Variants in ALDH2 observed in about 807,000 individuals in gnomAD.
ALDH2 encodes aldehyde dehydrogenase 2 family member, also known as aldehyde dehydrogenase, mitochondrial.
A neutral mutation model predicts 59.6 loss-of-function variants in ALDH2; 44 were observed. That is an observed-to-expected ratio of 0.74 (90% CI 0.58 to 0.95). ALDH2 has a LOEUF of 0.95. ALDH2 is among the 40% of genes least tolerant of loss of function. The pLI, the probability that ALDH2 is intolerant of heterozygous loss-of-function variation, is 0.00. For missense variants in ALDH2, 570 were observed against 696.3 expected (o/e 0.82, Z 2.04); for synonymous variants, 291 against 284.0 (o/e 1.02, Z -0.25).
Position 111,791,400 on chromosome 12 carries a change from C to T in ALDH2, c.776C>T (p.Ala259Val), listed in dbSNP as rs909475464. ...TCCCATGAGGATGTGGACAAAGTGG[C>T]ATTCACAGGCTCCACTGAGGTAAGG... is the stretch of plus-strand genomic sequence containing the variant. ...IASHEDVDKVAFTGSTEIGRV... is the reference protein window; with the variant it reads ...IASHEDVDKVVFTGSTEIGRV... The change falls in exon 7 of 13, where the codon GCA (alanine) becomes GTA (valine). Residue 259 changes from alanine (A) to valine (V), a missense_variant. By Grantham distance (64) the Ala-to-Val change is moderately conservative (BLOSUM62 0). Coordinates refer to ENST00000261733, the MANE Select transcript of ALDH2 (RefSeq NM_000690.4). The T allele has an allele frequency of 1.9e-6, 3 of 1,613,482 alleles. No individual in the cohort carries two copies. In the Admixed American group the frequency reaches 5.0e-5, roughly 27 times the overall value.
At chr12:111,804,507 A>C (rs2068478366) in intron 12 of ALDH2, among the ~76,000 whole-genome samples, 1 of 152,182 alleles carries the variant, frequency 6.6e-6, no homozygotes, top group Non-Finnish European at 1.5e-5. Flanking sequence ...GCACTTTGGG[A>C]GGCCAAGGTG....
intron 3 of ALDH2, 133 bp downstream of exon 3, chr12:111,783,431 G>A (rs1189795763): frequency 5.2e-6 from 6 of 1,152,146 alleles, no homozygotes; most frequent in Non-Finnish European, 7.1e-6. Flanking sequence ...GATGGGAATG[G>A]CATAGGATGG....
intron 4 of ALDH2, among the ~76,000 whole-genome samples, chr12:111,787,412 C>A (rs2068318392): frequency 6.6e-6 from 1 of 152,188 alleles, no homozygotes; most frequent in Non-Finnish European, 1.5e-5. Flanking sequence ...CTGATTCCAG[C>A]CAGGCTAAGC....
At chr12:111,769,538 A>AAG (rs143486935) in intron 1 of ALDH2, among the ~76,000 whole-genome samples, 14 of 150,306 alleles carry the variant, frequency 9.3e-5, no homozygotes, top group East Asian at 5.8e-4. Context: ...TGCCTGCAGC[A>AAG]AGAGAGAGAG....
intron 11 of ALDH2, among the ~76,000 whole-genome samples, chr12:111,800,445 A>G (rs983592223): frequency 6.6e-5 from 10 of 151,880 alleles, no homozygotes; most frequent in African/African-American, 2.2e-4. Flanking sequence ...ATTTTTTCAG[A>G]CAGAAAAAAA....
intron 7 of ALDH2, 141 bp downstream of exon 7, chr12:111,791,560 G>C (rs1324518239): frequency 1.5e-6 from 1 of 664,370 alleles, no homozygotes; most frequent in African/African-American, 1.8e-5. Flanking sequence ...TACCAGGAGG[G>C]GTGGGGCAGG....
intron 6 of ALDH2, among the ~76,000 whole-genome samples, 165 bp from the exon 7 acceptor site, chr12:111,791,141 C>T (rs888976852): frequency 6.6e-6 from 1 of 152,174 alleles, no homozygotes; most frequent in African/African-American, 2.4e-5. Flanking sequence ...ACTCCTTCTC[C>T]GTCCCATTTA....
At chr12:111,772,418 G>A (rs2068205991) in intron 1 of ALDH2, among the ~76,000 whole-genome samples, 1 of 152,130 alleles carries the variant, frequency 6.6e-6, no homozygotes, top group South Asian at 2.1e-4. Flanking sequence ...GGGCTGGAGT[G>A]CAGTGGCACG....
At chr12:111,803,281 C>CAAA (rs59141978) in intron 11 of ALDH2, among the ~76,000 whole-genome samples, 8 of 135,470 alleles carry the variant, frequency 5.9e-5, no homozygotes, top group African/African-American at 2.1e-4. Context: ...TTTTAAATTG[C>CAAA]AAAAAAAAAA....
chr12:111,808,653 C>G (rs148410674), intron 12 of ALDH2, among the ~76,000 whole-genome samples: 1 of 151,796 alleles, frequency 6.6e-6, no homozygotes, highest in Non-Finnish European at 1.5e-5. Context: ...TGCAGTGAGC[C>G]GAGATTGCGC....
At chr12:111,798,278 T>C (rs1430884112) in intron 10 of ALDH2, 36 bp downstream of exon 10, 5 of 1,519,078 alleles carry the variant, frequency 3.3e-6, no homozygotes, top group Non-Finnish European at 4.4e-6. Flanking sequence ...GAAACATTCT[T>C]GGCGGGAGGT....
intron 12 of ALDH2, among the ~76,000 whole-genome samples, chr12:111,808,922 A>T (rs1442196741): frequency 1.3e-5 from 2 of 152,098 alleles, no homozygotes; most frequent in Non-Finnish European, 2.9e-5. Context: ...AAGCAAAACT[A>T]GGAATCAAAG....
chr12:111,767,553 A>G (rs987630128), intron 1 of ALDH2, among the ~76,000 whole-genome samples: 2 of 152,116 alleles, frequency 1.3e-5, no homozygotes, highest in African/African-American at 4.8e-5. Context: ...GAAAGAGGTG[A>G]TTTGCAGCCA....
At chr12:111,774,509 G>T (rs1347741429) in intron 1 of ALDH2, among the ~76,000 whole-genome samples, 1 of 152,158 alleles carries the variant, frequency 6.6e-6, no homozygotes, top group Non-Finnish European at 1.5e-5. Context: ...GTGTTCCAGG[G>T]ACGGGGATTT....
intron 4 of ALDH2, among the ~76,000 whole-genome samples, chr12:111,787,114 G>A (rs994406116): frequency 2.0e-5 from 3 of 152,030 alleles, no homozygotes; most frequent in African/African-American, 4.8e-5. Context: ...GCTGAGGCAC[G>A]AGAATCACTT....
At chr12:111,791,802 C>T (rs562878337) in intron 7 of ALDH2, among the ~76,000 whole-genome samples, 17 of 152,060 alleles carry the variant, frequency 1.1e-4, no homozygotes, top group African/African-American at 3.4e-4. Flanking sequence ...CTTGGAAGGC[C>T]GAGGCAGGAG....
At chr12:111,789,386 G>T (rs137958788) in intron 4 of ALDH2, among the ~76,000 whole-genome samples, 1,944 of 151,556 alleles carry the variant, frequency 0.013, 50 homozygotes, top group African/African-American at 0.045. Context: ...CCAGCTACTT[G>T]GGAGGCTGAG....
chr12:111,800,406 A>AT (rs1314716610), intron 11 of ALDH2, among the ~76,000 whole-genome samples: 3 of 152,078 alleles, frequency 2.0e-5, no homozygotes, highest in Non-Finnish European at 4.4e-5. Flanking sequence ...GGATGGCTAT[A>AT]TTTTTATTAT....
At chr12:111,788,123 C>T (rs10774637) in intron 4 of ALDH2, among the ~76,000 whole-genome samples, 41,274 of 151,228 alleles carry the variant, frequency 0.27, 7,405 homozygotes, top group East Asian at 0.85. Context: ...GGCAGGAGAA[C>T]CGCTTGAACC....
Sources: allele counts gnomAD v4.1 joint callset (sites outside exome capture counted in the v4.1 genomes callset), GRCh38; gene constraint gnomAD v4.1.1; transcripts MANE v1.5; gene names NCBI Gene and HGNC (gene_info 2026-07-23, HGNC 2026-07-21).